PHF6: variants seen among roughly 807,000 people sequenced by gnomAD.
PHF6 encodes the protein PHD finger protein 6.
PHF6 carries 7 observed loss-of-function variants against 34.0 expected under a neutral mutation model. The ratio of observed to expected loss-of-function variants is 0.21; its 90% CI spans 0.12 to 0.39. PHF6 has a LOEUF of 0.39. PHF6 is among the 10% of genes least tolerant of loss of function. PHF6 has a pLI of 1.00. For missense variants in PHF6, 128 were observed against 262.8 expected (o/e 0.49, Z 3.55); for synonymous variants, 89 against 88.4 (o/e 1.01, Z -0.04).
chrX:134,410,546 A>G (rs1292114779), intron 5 of PHF6, among the ~76,000 whole-genome samples: 2 of 111,761 alleles, frequency 1.8e-5, no homozygotes, highest in Non-Finnish European at 3.8e-5. Context: ...TTGGGTCTTA[A>G]TCTTGCATGA....
chrX:134,406,094 C>CTTTCT (rs2124237932), intron 5 of PHF6, among the ~76,000 whole-genome samples: 1 of 99,167 alleles, frequency 1.0e-5, no homozygotes, highest in South Asian at 4.7e-4. Flanking sequence ...TTCTTTCTTT[C>CTTTCT]TTTCTTTCTT....
intron 9 of PHF6, among the ~76,000 whole-genome samples, chrX:134,423,329 C>T (rs6638229): frequency 8.9e-6 from 1 of 111,772 alleles, no homozygotes; most frequent in East Asian, 2.8e-4. Flanking sequence ...TGAAGAGCCT[C>T]GATAAATTGT....
chrX:134,408,943 A>G (rs2355970), intron 5 of PHF6, among the ~76,000 whole-genome samples: 16,406 of 111,068 alleles, frequency 0.15, 1,121 homozygotes, highest in East Asian at 0.43. Flanking sequence ...CGAACTCCTG[A>G]CTTCAGGTGA....
intron 9 of PHF6, among the ~76,000 whole-genome samples, chrX:134,421,338 A>G (rs777724992): frequency 4.1e-4 from 46 of 112,058 alleles, no homozygotes; most frequent in African/African-American, 1.5e-3. Flanking sequence ...AACATATTCA[A>G]CAAGCTTAAT....
chrX:134,392,335 C>T (rs2077358570), intron 3 of PHF6, among the ~76,000 whole-genome samples: 1 of 112,000 alleles, frequency 8.9e-6, no homozygotes, highest in South Asian at 3.7e-4. Flanking sequence ...TGTTGTGAAT[C>T]TATTTTGGCA....
intron 3 of PHF6, among the ~76,000 whole-genome samples, chrX:134,383,242 C>CA (rs60151860): frequency 0.16 from 16,160 of 102,902 alleles, 1,297 homozygotes; most frequent in East Asian, 0.42. Context: ...GGTCCTGTCT[C>CA]AAAAAAAAAA....
intron 3 of PHF6, among the ~76,000 whole-genome samples, chrX:134,382,922 T>C (rs1006710360): frequency 5.4e-5 from 6 of 110,274 alleles, no homozygotes; most frequent in African/African-American, 2.0e-4. Context: ...GTCTTACCCC[T>C]ATGCAAGATT....
intron 5 of PHF6, among the ~76,000 whole-genome samples, chrX:134,412,444 A>G (rs1221711303): frequency 8.9e-6 from 1 of 111,819 alleles, no homozygotes; most frequent in Non-Finnish European, 1.9e-5. Flanking sequence ...AGTAGGAAAG[A>G]TATTAACGTC....
chrX:134,422,667 T>C (rs2077495980), intron 9 of PHF6, among the ~76,000 whole-genome samples: 1 of 111,911 alleles, frequency 8.9e-6, no homozygotes, highest in South Asian at 3.7e-4. Flanking sequence ...TTTATTTATA[T>C]TTATCCTGTT....
chrX:134,415,171 T>TACATCCC, intron 8 of PHF6, 51 bp downstream of exon 8: 1 of 1,208,270 alleles, frequency 8.3e-7, no homozygotes, highest in Non-Finnish European at 1.1e-6. Context: ...TTTGCTGCTT[T>TACATCCC]AAATTTAGAG....
chrX:134,396,338 A>T (rs2077377458), intron 5 of PHF6, among the ~76,000 whole-genome samples: 1 of 111,964 alleles, frequency 8.9e-6, no homozygotes, highest in South Asian at 3.7e-4. Flanking sequence ...TATACTGATT[A>T]TGTAGATAGC....
At chrX:134,424,111 TAAAAAAAAAAG>T (rs2077500598) in intron 9 of PHF6, among the ~76,000 whole-genome samples, 1 of 99,312 alleles carries the variant, frequency 1.0e-5, no homozygotes, top group African/African-American at 3.7e-5. Context: ...AAAAGTATAA[TAAAAAAAAAAG>T]AAAAAAAAAA....
rs200413392 is a variant in PHF6 at position 134,424,934 on chromosome X, CA to C, written c.969-266del. On this transcript the variant is annotated intron_variant, in intron 9 of 10. Transcript: ENST00000370803. ...TTGGCCAAAACTTTGCTTTTAATCT[CA>C]TTGGGCAAAATGAGGAATTGCCTTA... 6.6e-3 allele frequency among the ~76,000 whole-genome samples: 740 copies of C among 111,994 alleles called. 4 individuals carry two copies. The highest frequency in any genetic ancestry group is 0.022 in the African/African-American group (692 of 30,877).
intron 3 of PHF6, among the ~76,000 whole-genome samples, chrX:134,387,832 A>C (rs2077338418): frequency 9.0e-6 from 1 of 111,617 alleles, no homozygotes; most frequent in African/African-American, 3.3e-5. Flanking sequence ...CCTATTTTTT[A>C]GAAGCACCTG....
chrX:134,416,275 G>A (rs974017884), intron 8 of PHF6, among the ~76,000 whole-genome samples: 6 of 111,522 alleles, frequency 5.4e-5, no homozygotes, highest in African/African-American at 2.0e-4. Flanking sequence ...TTTCGTAACA[G>A]AGCCTGTAGT....
intron 5 of PHF6, among the ~76,000 whole-genome samples, chrX:134,400,115 A>G (rs758354627): frequency 2.7e-5 from 3 of 111,119 alleles, no homozygotes; most frequent in African/African-American, 9.8e-5. Context: ...GTCTCACTCT[A>G]TCACGCAGGC....
At chrX:134,408,466 C>T (rs189301708) in intron 5 of PHF6, among the ~76,000 whole-genome samples, 5 of 111,684 alleles carry the variant, frequency 4.5e-5, no homozygotes, top group African/African-American at 1.6e-4. Flanking sequence ...CTAACAGTGT[C>T]TAATTCCCAT....
At position 134,426,091 on chromosome X, in the gene PHF6, AT is replaced by A. The variant is rs34561686; in HGVS notation, c.*440del. 4.5e-5 allele frequency: 7 copies of A among 157,184 alleles called. No individual in the cohort carries two copies. The highest frequency in any genetic ancestry group is 9.7e-5 in the East Asian group (1 of 10,286). 13.0% of individuals were successfully genotyped at this position (157,184 alleles called of 1,213,427 possible). Reference sequence around the variant, plus strand: ...GGTGGCAGCACATGGTAATTTGTGGATTTTTTTTTCATACTCAAGTAATGGA... The same window carrying A: ...GGTGGCAGCACATGGTAATTTGTGGATTTTTTTTCATACTCAAGTAATGGA... On this transcript the variant is annotated 3_prime_UTR_variant, in exon 11 of 11. Coordinates refer to ENST00000370803, the MANE Select transcript of PHF6 (RefSeq NM_001015877.2).
At chrX:134,414,658 C>T (rs773853334) in intron 7 of PHF6, among the ~76,000 whole-genome samples, 2 of 108,692 alleles carry the variant, frequency 1.8e-5, no homozygotes, top group South Asian at 3.9e-4. Context: ...AAAAAAAATA[C>T]GCGAGTGATT....
Sources: gnomAD v4.1 joint callset for allele counts (sites outside exome capture counted in the v4.1 genomes callset) on GRCh38, gnomAD v4.1.1 for gene constraint, MANE v1.5 for transcripts, NCBI Gene and HGNC (gene_info 2026-07-23, HGNC 2026-07-21) for gene names.